Variants in UBE2E2 observed in about 807,000 individuals in gnomAD.
The protein encoded by UBE2E2 is ubiquitin-conjugating enzyme E2 E2.
Under a neutral mutation model 24.7 loss-of-function variants are expected in UBE2E2, and 6 were observed. That is an observed-to-expected ratio of 0.24 (90% confidence interval 0.13 to 0.48). The LOEUF (loss-of-function observed/expected upper bound fraction) is 0.48, where lower values mean the gene tolerates loss of function less well. UBE2E2 is among the 20% of genes least tolerant of loss of function. UBE2E2 has a pLI of 0.99. For synonymous variants in UBE2E2, 104 were observed against 83.6 expected (o/e 1.24, Z -1.33); for missense variants, 169 against 245.0 (o/e 0.69, Z 2.07).
In UBE2E2 at chr3:23,406,594, A is replaced by G. The variant is rs372931418; in HGVS notation, c.228-93014A>G. Among the ~76,000 whole-genome samples, 6 of 152,328 alleles carry G rather than the reference A, an allele frequency of 3.9e-5. No homozygotes were observed. In the East Asian group the frequency reaches 5.8e-4, roughly 15 times the overall value. On this transcript the variant is annotated intron_variant, in intron 3 of 5. Transcript: ENST00000396703. ...CTTAAATAAGTAAATGTAGTGATTT[A>G]TGGGTTCCTAGGTGGAAAGATTTTG...
intron 5 of UBE2E2, among the ~76,000 whole-genome samples, chr3:23,539,135 T>C (rs941304820): frequency 1.3e-5 from 2 of 152,218 alleles, no homozygotes; most frequent in Admixed American, 1.3e-4. Flanking sequence ...AGGTGAGGGA[T>C]GACTTCATGA....
intron 3 of UBE2E2, among the ~76,000 whole-genome samples, chr3:23,326,353 G>A (rs958648812): frequency 1.3e-5 from 2 of 152,200 alleles, no homozygotes; most frequent in South Asian, 4.1e-4. Flanking sequence ...TTATAGGCTT[G>A]AGCCACCGTG....
At position 23,341,468 on chromosome 3, in the gene UBE2E2, C is replaced by A. The variant is rs1009624416; in HGVS notation, c.227+124156C>A. Among the ~76,000 whole-genome samples the A allele has an allele frequency of 6.0e-4, 91 of 152,078 alleles. 1 individual carries two copies. Among genetic ancestry groups the A allele is most frequent in the Non-Finnish European group, 1.3e-4 (9 of 68,014 alleles). The stretch of plus-strand genomic sequence containing the variant: ...ATATGAACTCTGGTAGTTATAAATA[C>A]AGTATATGTTTTTCTAGTTGTGTCT... On this transcript the variant is annotated intron_variant, in intron 3 of 5. Transcript: ENST00000396703.
At chr3:23,509,129 A>T (rs1040802775) in intron 4 of UBE2E2, among the ~76,000 whole-genome samples, 1 of 152,224 alleles carries the variant, frequency 6.6e-6, no homozygotes, top group Non-Finnish European at 1.5e-5. Flanking sequence ...CTCTGAGAGA[A>T]ACACTCTAAG....
At position 23,296,686 on chromosome 3, in the gene UBE2E2, A is replaced by G. The variant is rs558906360; in HGVS notation, c.227+79374A>G. Reference sequence around the variant, plus strand: ...GTATTCCATGGTGTATATGTGCCACATTTTCTTAATCCAGTCTGTCATTGT... The same window carrying G: ...GTATTCCATGGTGTATATGTGCCACGTTTTCTTAATCCAGTCTGTCATTGT... On this transcript the variant is annotated intron_variant, in intron 3 of 5. Transcript: ENST00000396703. 1.1e-4 allele frequency among the ~76,000 whole-genome samples: 17 copies of G among 152,140 alleles called. No homozygotes were observed. The South Asian group carries it at 2.9e-3, about 26-fold the overall frequency.
At chr3:23,268,212 T>G (rs1218388519) in intron 3 of UBE2E2, among the ~76,000 whole-genome samples, 1 of 148,506 alleles carries the variant, frequency 6.7e-6, no homozygotes, top group East Asian at 2.0e-4. Flanking sequence ...CCAGGGCAAT[T>G]AGGCAGGAGA....
At chr3:23,288,853 A>G (rs1698687354) in intron 3 of UBE2E2, among the ~76,000 whole-genome samples, 1 of 152,176 alleles carries the variant, frequency 6.6e-6, no homozygotes, top group South Asian at 2.1e-4. Context: ...AATAGGAAGT[A>G]GCATACAAAA....
intron 3 of UBE2E2, among the ~76,000 whole-genome samples, chr3:23,352,681 C>A (rs1490154938): frequency 6.6e-6 from 1 of 151,996 alleles, no homozygotes; most frequent in Admixed American, 6.5e-5. Flanking sequence ...AAGACTAAAC[C>A]AGGAAGAAGT....
intron 3 of UBE2E2, among the ~76,000 whole-genome samples, chr3:23,320,123 T>G (rs182600706): frequency 6.4e-4 from 98 of 152,348 alleles, no homozygotes; most frequent in Non-Finnish European, 7.1e-4. Context: ...AAGGTACCCA[T>G]GTAGAAAGCT....
rs765083253 is a variant in UBE2E2, at chr3:23,208,692, G to T, written c.-8G>T. ...AATGATTTTTGATTCTTTAATCCAG[G>T]ATCTAAAATGTCCACTGAGGCACAA... On this transcript the variant is annotated splice_region_variant and 5_prime_UTR_variant, in exon 2 of 6. Coordinates refer to ENST00000396703, the MANE Select transcript of UBE2E2 (RefSeq NM_152653.4). The T allele has an allele frequency of 1.3e-6, 2 of 1,596,342 alleles. No homozygotes were observed. The highest frequency in any genetic ancestry group is 2.3e-5 in the East Asian group (1 of 44,366).
intron 3 of UBE2E2, among the ~76,000 whole-genome samples, chr3:23,481,674 G>C (rs1220909389): frequency 6.6e-6 from 1 of 152,194 alleles, no homozygotes; most frequent in East Asian, 1.9e-4. Flanking sequence ...CTGAGAAGTG[G>C]ATAAATTAAA....
At chr3:23,545,777 C>T (rs779857051) in intron 5 of UBE2E2, among the ~76,000 whole-genome samples, 17 of 152,182 alleles carry the variant, frequency 1.1e-4, no homozygotes, top group South Asian at 6.2e-4. Flanking sequence ...GCCCGTCAAC[C>T]GATGAGTGGT....
At chr3:23,217,405 T>A (rs1696506810) in intron 3 of UBE2E2, 93 bp downstream of exon 3, 2 of 1,142,620 alleles carry the variant, frequency 1.8e-6, no homozygotes, top group African/African-American at 1.5e-5. Context: ...GTAGTCTGAT[T>A]AATTAGTAAA....
chr3:23,348,984 C>T (rs749618451), intron 3 of UBE2E2, among the ~76,000 whole-genome samples: 1 of 152,136 alleles, frequency 6.6e-6, no homozygotes, highest in Non-Finnish European at 1.5e-5. Flanking sequence ...TGACTATCCC[C>T]TGACCACCCC....
intron 3 of UBE2E2, among the ~76,000 whole-genome samples, chr3:23,246,127 C>G (rs965073508): frequency 2.6e-5 from 4 of 152,130 alleles, no homozygotes; most frequent in African/African-American, 9.7e-5. Context: ...TCGCCGAAGC[C>G]TCCACATCCT....
chr3:23,411,870 A>G (rs1697503580), intron 3 of UBE2E2, among the ~76,000 whole-genome samples: 1 of 152,228 alleles, frequency 6.6e-6, no homozygotes, highest in Admixed American at 6.5e-5. Context: ...TGGTCAGTTT[A>G]TGAAGATCTT....
chr3:23,560,763 C>G (rs1220557088), intron 5 of UBE2E2, among the ~76,000 whole-genome samples: 2 of 152,076 alleles, frequency 1.3e-5, no homozygotes, highest in East Asian at 1.9e-4. Context: ...GCCATTCTAA[C>G]TGGTGTGAGA....
Position 23,457,705 on chromosome 3 carries a change from G to A in UBE2E2, c.228-41903G>A, listed in dbSNP as rs1296629212. Among the ~76,000 whole-genome samples the A allele has an allele frequency of 6.2e-4, 95 of 152,120 alleles. 1 individual carries two copies. The highest frequency in any genetic ancestry group is 6.2e-3 in the Admixed American group (95 of 15,266). On this transcript the variant is annotated intron_variant, in intron 3 of 5. Coordinates refer to ENST00000396703, the MANE Select transcript of UBE2E2 (RefSeq NM_152653.4). ...TACTTCTTCTATTTTATGTAGAGAT[G>A]GGATCTCCCTGTGTTGCCCAGGCTG...
At chr3:23,215,597 TGGTATAC>T (rs1433543033) in intron 2 of UBE2E2, among the ~76,000 whole-genome samples, 1 of 152,184 alleles carries the variant, frequency 6.6e-6, no homozygotes, top group African/African-American at 2.4e-5. Flanking sequence ...TCTGTTTTAT[TGGTATAC>T]ACTCTGCAGC....
Sources: allele counts gnomAD v4.1 joint callset (sites outside exome capture counted in the v4.1 genomes callset), GRCh38; gene constraint gnomAD v4.1.1; transcripts MANE v1.5; gene names NCBI Gene and HGNC (gene_info 2026-07-23, HGNC 2026-07-21).